The following AP1B1 variants were observed in gnomAD, a reference collection of about 807,000 sequenced individuals.
AP1B1 encodes AP-1 complex subunit beta-1.
A neutral mutation model predicts 104.3 loss-of-function variants in AP1B1; 36 were observed. The observed-to-expected ratio is 0.35, with a 90% CI of 0.26 to 0.46. The LOEUF (loss-of-function observed/expected upper bound fraction) is 0.46, where lower values mean the gene tolerates loss of function less well. Ranked by LOEUF, AP1B1 falls within the 20% of genes least tolerant of loss-of-function variation. AP1B1 has a pLI of 1.00. For missense variants in AP1B1, 901 were observed against 1,247.9 expected (o/e 0.72, Z 4.19); for synonymous variants, 504 against 517.5 (o/e 0.97, Z 0.35).
At chr22:29,361,921 G>C (rs903218164) in intron 3 of AP1B1, among the ~76,000 whole-genome samples, 1 of 152,036 alleles carries the variant, frequency 6.6e-6, no homozygotes, top group African/African-American at 2.4e-5. Context: ...AGCCTCCCAA[G>C]TAGCTGGGAT....
intron 6 of AP1B1, among the ~76,000 whole-genome samples, chr22:29,355,884 C>T (rs2061949320): frequency 6.6e-6 from 1 of 151,382 alleles, no homozygotes; most frequent in African/African-American, 2.4e-5. Flanking sequence ...AGAACAAGCA[C>T]AGTACTGGCA....
At chr22:29,340,902 G>C in intron 13 of AP1B1, 45 bp from the exon 14 acceptor site, 1 of 1,540,478 alleles carries the variant, frequency 6.5e-7, no homozygotes, top group Non-Finnish European at 8.8e-7. Flanking sequence ...GATGTCTCAG[G>C]AAGGTCAAAG....
chr22:29,369,778 C>A (rs917905871), intron 1 of AP1B1, among the ~76,000 whole-genome samples: 2 of 152,038 alleles, frequency 1.3e-5, no homozygotes, highest in African/African-American at 4.8e-5. Flanking sequence ...TCTCTGGCAG[C>A]CCTGTTACGT....
At chr22:29,366,833 G>GACACACACACACACAC (rs200885223) in intron 2 of AP1B1, among the ~76,000 whole-genome samples, 18 of 131,402 alleles carry the variant, frequency 1.4e-4, no homozygotes, top group South Asian at 5.5e-4. Flanking sequence ...CTTGGATAAG[G>GACACACACACACACAC]ACACACACAC....
intron 9 of AP1B1, among the ~76,000 whole-genome samples, chr22:29,350,551 C>T (rs2061858432): frequency 6.6e-6 from 1 of 152,196 alleles, no homozygotes; most frequent in South Asian, 2.1e-4. Context: ...TACTTCCACA[C>T]ACTGCTCTCA....
chr22:29,348,203 C>T (rs1003267068), intron 11 of AP1B1, among the ~76,000 whole-genome samples: 2 of 152,216 alleles, frequency 1.3e-5, no homozygotes, highest in African/African-American at 4.8e-5. Context: ...GGTGCCTTTG[C>T]AGTCATTTGC....
chr22:29,385,090 TAA>T (rs1430187935), intron 1 of AP1B1, among the ~76,000 whole-genome samples: 1 of 150,692 alleles, frequency 6.6e-6, no homozygotes, highest in Middle Eastern at 3.3e-3. Flanking sequence ...CAGAGAGGTA[TAA>T]AGAGTTGGGA....
chr22:29,340,879 G>GT, intron 13 of AP1B1, 22 bp from the exon 14 acceptor site: 1 of 1,576,052 alleles, frequency 6.3e-7, no homozygotes, highest in Non-Finnish European at 8.6e-7. Flanking sequence ...CAGAAGTAGG[G>GT]TGGAGGCATC....
chr22:29,386,080 A>G (rs1255165159), intron 1 of AP1B1, among the ~76,000 whole-genome samples: 1 of 152,218 alleles, frequency 6.6e-6, no homozygotes, highest in Non-Finnish European at 1.5e-5. Flanking sequence ...CCTCAGACAC[A>G]GGCCCCCAGC....
At chr22:29,384,862 T>C (rs1481702537) in intron 1 of AP1B1, among the ~76,000 whole-genome samples, 1 of 151,832 alleles carries the variant, frequency 6.6e-6, no homozygotes, top group African/African-American at 2.4e-5. Flanking sequence ...AGCGAGACTC[T>C]GTCTGGAAAA....
In AP1B1 at chr22:29,339,103, T is replaced by C. The variant is rs1602701868; in HGVS notation, c.2050A>G (p.Thr684Ala). ...IGGTNFVAPP[T>A]AAVPANLGAP... ...CCAAGATTGGCTGGTACTGCTGCTG[T>C]TGGAGGTGCCACGAAGTTGGTGCCC... Residue 684 changes from threonine to alanine, a missense_variant, in exon 16 of 23, where the codon ACA becomes GCA. Transcript: ENST00000357586. The C allele has an allele frequency of 5.0e-6, 8 of 1,614,104 alleles. No homozygotes were observed. The highest frequency in any genetic ancestry group is 2.2e-5 in the East Asian group (1 of 44,868).
Position 29,349,273 on chromosome 22 carries a change from T to C in AP1B1, c.1382A>G (p.Asn461Ser), listed in dbSNP as rs2147976652. 2 of 1,614,036 alleles carry C rather than the reference T, an allele frequency of 1.2e-6. No homozygotes were observed. The highest frequency in any genetic ancestry group is 1.7e-6 in the Non-Finnish European group (2 of 1,180,038). The stretch of plus-strand genomic sequence containing the variant: ...GAAGCTCTCCAGCAGCTCATCTGCG[T>C]TGTCGATCCGTTCCGCGTACTCGCC... ...IVGEYAERID[N>S]ADELLESFLE... The change falls in exon 11 of 23, where the codon AAC becomes AGC. Residue 461 changes from asparagine to serine, a missense_variant. By Grantham distance (46) the Asn-to-Ser change is conservative (BLOSUM62 1). Around this residue, in one of 3 missense-constraint regions of AP1B1, gnomAD observed 471 missense variants for 696.7 expected, o/e 0.68. Transcript: ENST00000357586.
intron 7 of AP1B1, among the ~76,000 whole-genome samples, chr22:29,354,128 C>T (rs945831072): frequency 3.3e-5 from 5 of 152,204 alleles, no homozygotes; most frequent in Non-Finnish European, 7.3e-5. Context: ...TGTACCTCTC[C>T]CCCAGACCTC....
chr22:29,369,837 A>ATTT lies in AP1B1; in HGVS notation c.-27-2570_-27-2568dup, dbSNP rs564733165. The stretch of plus-strand genomic sequence containing the variant: ...CAGGAATTTACCGACATTAAAAACG[A>ATTT]TTTTTTTTTTTTTTTTTTTTTGCAC... On this transcript the variant is annotated intron_variant, in intron 1 of 22. Transcript: ENST00000357586. Among the ~76,000 whole-genome samples the ATTT allele has an allele frequency of 6.5e-3, 783 of 120,152 alleles. 12 individuals carry two copies. Among genetic ancestry groups the ATTT allele is most frequent in the African/African-American group, 0.023 (732 of 32,278 alleles). The allele number at this position is 120,152 out of a possible 152,430, so 78.8% of individuals were successfully genotyped here.
chr22:29,350,847 G>A lies in AP1B1; in HGVS notation c.1155+324C>T, dbSNP rs138377832. Among the ~76,000 whole-genome samples the A allele has an allele frequency of 8.1e-4, 124 of 152,330 alleles. 2 individuals are homozygous for A. The East Asian group carries it at 8.3e-3, about 10-fold the overall frequency. On this transcript the variant is annotated intron_variant, in intron 9 of 22. Coordinates refer to ENST00000357586, the MANE Select transcript of AP1B1 (RefSeq NM_001127.4). The stretch of plus-strand genomic sequence containing the variant: ...ATATTTGCCAAGAAGTGTTCAACAG[G>A]CAGGGCCCTTACCCCAGAGCTCTGT...
rs574315408 is a variant in AP1B1 at position 29,341,354 on chromosome 22, G to C, written c.1796+147C>G. On this transcript the variant is annotated intron_variant, in intron 13 of 22. Transcript: ENST00000357586. The stretch of plus-strand genomic sequence containing the variant: ...AATGAGGTCATCTAGCAAATACCTT[G>C]TGTACAATAAATAGCTGATAAAAGG... 9.8e-6 allele frequency: 10 copies of C among 1,017,782 alleles called. No homozygotes were observed. The South Asian group carries it at 1.7e-4, about 17-fold the overall frequency. 63.0% of individuals were successfully genotyped at this position (1,017,782 alleles called of 1,614,324 possible).
chr22:29,382,946 A>G (rs1030863941), intron 1 of AP1B1, among the ~76,000 whole-genome samples: 20 of 152,184 alleles, frequency 1.3e-4, no homozygotes, highest in African/African-American at 4.1e-4. Context: ...CTATATTTTA[A>G]TAAGTTCTGG....
At chr22:29,370,466 A>AG (rs1555932900) in intron 1 of AP1B1, 6 of 149,988 alleles carry the variant, frequency 4.0e-5, no homozygotes, top group South Asian at 2.1e-4. Context: ...AAAAAAAAAA[A>AG]AAAGAAAGAA....
chr22:29,358,294 T>C (rs1158616735), intron 5 of AP1B1, among the ~76,000 whole-genome samples: 18 of 151,910 alleles, frequency 1.2e-4, no homozygotes. Flanking sequence ...CCAACAAAGA[T>C]GGGGGAAGGG....
Sources: gnomAD v4.1 joint callset for allele counts (sites outside exome capture counted in the v4.1 genomes callset) on GRCh38, gnomAD v4.1.1 for gene constraint, gnomAD v4.1.1 regional missense constraint, MANE v1.5 for transcripts, NCBI Gene and HGNC (gene_info 2026-07-23, HGNC 2026-07-21) for gene names.